The following ST8SIA2 variants were observed in gnomAD, a reference collection of about 807,000 sequenced individuals.
The protein encoded by ST8SIA2 is ST8 alpha-N-acetyl-neuraminide alpha-2,8-sialyltransferase 2.
ST8SIA2 carries 22 observed loss-of-function variants against 37.6 expected under a neutral mutation model. That is an observed-to-expected ratio of 0.58 (90% CI 0.42 to 0.83). The LOEUF (loss-of-function observed/expected upper bound fraction) is 0.83. Among genes scored for constraint, ST8SIA2 ranks in the 40% least tolerant of loss-of-function variants. The pLI is 0.00. For synonymous variants in ST8SIA2, 205 were observed against 201.2 expected (o/e 1.02, Z -0.16); for missense variants, 382 against 484.7 (o/e 0.79, Z 1.99).
chr15:92,457,125 A>T (rs1359055494), intron 5 of ST8SIA2, among the ~76,000 whole-genome samples: 1 of 152,238 alleles, frequency 6.6e-6, no homozygotes, highest in Non-Finnish European at 1.5e-5. Context: ...ACAGGAGAGC[A>T]GGAGCCCGAA....
intron 5 of ST8SIA2, 21 bp from the exon 6 acceptor site, chr15:92,464,079 T>TC (rs2049975257): frequency 6.7e-7 from 1 of 1,493,638 alleles, no homozygotes; most frequent in Non-Finnish European, 8.8e-7. Flanking sequence ...TTTCTTTTTT[T>TC]TTTTTTTTTT....
chr15:92,429,631 C>G (rs1326848234), intron 1 of ST8SIA2, among the ~76,000 whole-genome samples: 1 of 152,226 alleles, frequency 6.6e-6, no homozygotes, highest in East Asian at 1.9e-4. Context: ...CAATGGACAA[C>G]AGCTCACTAC....
intron 5 of ST8SIA2, among the ~76,000 whole-genome samples, chr15:92,461,323 A>G (rs1391455951): frequency 6.6e-6 from 1 of 152,126 alleles, no homozygotes; most frequent in Non-Finnish European, 1.5e-5. Flanking sequence ...TTCCCCTGGA[A>G]TCACAAATAT....
chr15:92,443,808 C>T (rs890928195), intron 4 of ST8SIA2, among the ~76,000 whole-genome samples: 4 of 152,140 alleles, frequency 2.6e-5, no homozygotes, highest in Admixed American at 6.5e-5. Context: ...TTGGCTATAA[C>T]ACTACCTGAA....
At chr15:92,463,512 G>A (rs1006307894) in intron 5 of ST8SIA2, among the ~76,000 whole-genome samples, 3 of 152,190 alleles carry the variant, frequency 2.0e-5, no homozygotes, top group Admixed American at 2.0e-4. Flanking sequence ...AGATCCGCGA[G>A]GGGACGCCCT....
chr15:92,394,589 G>T (rs1472413101), intron 1 of ST8SIA2, among the ~76,000 whole-genome samples: 6 of 152,176 alleles, frequency 3.9e-5, no homozygotes, highest in Admixed American at 3.9e-4. Context: ...AAGTGGGCAG[G>T]GGGCGCGCAG....
chr15:92,440,718 C>T (rs1034659917), intron 4 of ST8SIA2, among the ~76,000 whole-genome samples: 1 of 152,172 alleles, frequency 6.6e-6, no homozygotes, highest in Non-Finnish European at 1.5e-5. Context: ...CTCCTCCACC[C>T]CACTGGGACT....
intron 1 of ST8SIA2, among the ~76,000 whole-genome samples, chr15:92,424,690 C>A (rs1046357870): frequency 6.6e-6 from 1 of 151,678 alleles, no homozygotes; most frequent in Non-Finnish European, 1.5e-5. Context: ...CAGCTCACTG[C>A]AACCTCTGCC....
chr15:92,434,425 C>G (rs766121977), intron 3 of ST8SIA2, 50 bp downstream of exon 3: 1 of 1,613,294 alleles, frequency 6.2e-7, no homozygotes, highest in South Asian at 1.1e-5. Context: ...CTTGAGCATA[C>G]ACGGGCAAAT....
At position 92,458,102 on chromosome 15, in the gene ST8SIA2, TACAG is replaced by T. The variant is rs1272455299; in HGVS notation, c.843-5997_843-5994del. 4.6e-5 allele frequency among the ~76,000 whole-genome samples: 7 copies of T among 152,332 alleles called. No homozygotes were observed. In the East Asian group the frequency reaches 1.4e-3, roughly 29 times the overall value. On this transcript the variant is annotated intron_variant, in intron 5 of 5. Coordinates refer to ENST00000268164, the MANE Select transcript of ST8SIA2 (RefSeq NM_006011.4). Reference sequence around the variant, plus strand: ...CAGGATAATCAATCCTAGGCTATGCTACAGTAACACACCCTGAGACTCCAGCACT... The same window carrying T: ...CAGGATAATCAATCCTAGGCTATGCTTAACACACCCTGAGACTCCAGCACT...
At chr15:92,398,978 G>A (rs1198484717) in intron 1 of ST8SIA2, among the ~76,000 whole-genome samples, 1 of 152,208 alleles carries the variant, frequency 6.6e-6, no homozygotes, top group Admixed American at 6.5e-5. Context: ...AGGACCAGAG[G>A]AGGACTCTGA....
intron 5 of ST8SIA2, 54 bp downstream of exon 5, chr15:92,444,983 TGGTAGGCAG>T: frequency 6.3e-7 from 1 of 1,598,252 alleles, no homozygotes; most frequent in African/African-American, 1.3e-5. Flanking sequence ...GGGAGATTCT[TGGTAGGCAG>T]TATCCCTTTC....
At chr15:92,407,789 A>G (rs551021859) in intron 1 of ST8SIA2, among the ~76,000 whole-genome samples, 7 of 152,302 alleles carry the variant, frequency 4.6e-5, no homozygotes, top group Non-Finnish European at 1.0e-4. Flanking sequence ...TATTTTTGCT[A>G]TTACCTTCTA....
chr15:92,440,019 A>G lies in ST8SIA2; in HGVS notation c.548+1409A>G, dbSNP rs145489463. Among the ~76,000 whole-genome samples, 193 of 152,284 alleles carry G rather than the reference A, an allele frequency of 1.3e-3. 2 individuals carry two copies. Among genetic ancestry groups the G allele is most frequent in the Middle Eastern group, 6.9e-3 (2 of 290 alleles). On this transcript the variant is annotated intron_variant, in intron 4 of 5. Transcript: ENST00000268164. ...GCCTCTTCCATTGTCACAAGTCATG[A>G]GTCCCCACAGTGAGCTTTACACATC...
chr15:92,403,625 C>T (rs761156098), intron 1 of ST8SIA2, among the ~76,000 whole-genome samples: 1 of 152,130 alleles, frequency 6.6e-6, no homozygotes, highest in African/African-American at 2.4e-5. Flanking sequence ...AGGGTTAATT[C>T]ACGCCTTCTT....
chr15:92,468,410 C>T lies in ST8SIA2; in HGVS notation c.*4025C>T, dbSNP rs1235351496. On this transcript the variant is annotated 3_prime_UTR_variant, in exon 6 of 6. Coordinates refer to ENST00000268164, the MANE Select transcript of ST8SIA2 (RefSeq NM_006011.4). ...GCCTTTGGTCTTGCTATCCCCATCC[C>T]CTGGAATGCTCCCTTTTCTTCCCTT... is the stretch of plus-strand genomic sequence containing the variant. 1 of 152,804 alleles carries T rather than the reference C, an allele frequency of 6.5e-6. No homozygotes were observed. Among genetic ancestry groups the T allele is most frequent in the African/African-American group, 2.4e-5 (1 of 41,440 alleles). 9.5% of individuals were successfully genotyped at this position (152,804 alleles called of 1,614,324 possible).
rs375515373 is a variant in ST8SIA2, at chr15:92,444,949, G to A, written c.842+20G>A. On this transcript the variant is annotated intron_variant, in intron 5 of 5. Transcript: ENST00000268164. ...TCGCGGGTGAGCGGCCTCCCTACAGGCCAGTAGGACCGTCACTAAGTGTGG... is the reference window on the plus strand; with the variant it reads ...TCGCGGGTGAGCGGCCTCCCTACAGACCAGTAGGACCGTCACTAAGTGTGG... The A allele has an allele frequency of 6.2e-7, 1 of 1,606,160 alleles. No individual in the cohort carries two copies. The highest frequency in any genetic ancestry group is 1.3e-5 in the African/African-American group (1 of 75,030).
intron 1 of ST8SIA2, among the ~76,000 whole-genome samples, chr15:92,404,267 G>T (rs879331430): frequency 6.6e-6 from 1 of 152,174 alleles, no homozygotes; most frequent in South Asian, 2.1e-4. Context: ...GAAGATTAAG[G>T]CTCCAGTCTT....
At chr15:92,428,853 A>G (rs1596239080) in intron 1 of ST8SIA2, among the ~76,000 whole-genome samples, 1 of 152,242 alleles carries the variant, frequency 6.6e-6, no homozygotes, top group Non-Finnish European at 1.5e-5. Flanking sequence ...TTATCTGCCT[A>G]TGAAATGGGT....
Sources: gnomAD v4.1 joint callset for allele counts (sites outside exome capture counted in the v4.1 genomes callset) on GRCh38, gnomAD v4.1.1 for gene constraint, MANE v1.5 for transcripts, NCBI Gene and HGNC (gene_info 2026-07-23, HGNC 2026-07-21) for gene names.